Variants in SLC2A12 observed in about 807,000 individuals in gnomAD.
The protein encoded by SLC2A12 is solute carrier family 2 member 12.
Under a neutral mutation model 41.8 loss-of-function variants are expected in SLC2A12, and 23 were observed. That is an observed-to-expected ratio of 0.55 (90% CI 0.40 to 0.78). SLC2A12 has a LOEUF of 0.78. SLC2A12 is among the 30% of genes least tolerant of loss of function. The pLI, the probability that SLC2A12 is intolerant of heterozygous loss-of-function variation, is 0.00. For synonymous variants in SLC2A12, 295 were observed against 285.9 expected, an observed-to-expected ratio of 1.03 and a Z score of -0.32; for missense variants, 654 against 745.6, an observed-to-expected ratio of 0.88 and a Z score of 1.43.
intron 4 of SLC2A12, among the ~76,000 whole-genome samples, chr6:133,992,350 C>G (rs929664354): frequency 6.6e-6 from 1 of 152,040 alleles, no homozygotes; most frequent in African/African-American, 2.4e-5. Flanking sequence ...TCTCAGTGAA[C>G]TAAAAAGCAA....
intron 1 of SLC2A12, among the ~76,000 whole-genome samples, chr6:134,039,520 G>C (rs1777351749): frequency 6.6e-6 from 1 of 152,082 alleles, no homozygotes. Context: ...AAACATACTT[G>C]CCAATAACCA....
At chr6:134,015,709 CA>C (rs1374395949) in intron 2 of SLC2A12, among the ~76,000 whole-genome samples, 1 of 152,142 alleles carries the variant, frequency 6.6e-6, no homozygotes, top group Non-Finnish European at 1.5e-5. Context: ...TCTGCAATGT[CA>C]GCCTCTTTGC....
chr6:133,988,046 T>C lies in SLC2A12; in HGVS notation c.*3109A>G, dbSNP rs1447696526. 6.6e-6 allele frequency: 1 copy of C among 152,166 alleles called. No individual in the cohort carries two copies. The highest frequency in any genetic ancestry group is 1.5e-5 in the Non-Finnish European group (1 of 68,020). 9.4% of individuals were successfully genotyped at this position (152,166 alleles called of 1,614,324 possible). A position where few individuals can be genotyped will look rare whatever the true frequency, so the allele number is the denominator to read the frequency against. ...GATGCCCAAGCCTATACTAAGAGTC[T>C]TGTCAGAAGTTGGTAACATGGAGAT... On this transcript the variant is annotated 3_prime_UTR_variant, in exon 5 of 5. Coordinates refer to ENST00000275230, the MANE Select transcript of SLC2A12 (RefSeq NM_145176.3).
chr6:134,031,521 T>G (rs1333585412), intron 1 of SLC2A12, among the ~76,000 whole-genome samples: 1 of 152,082 alleles, frequency 6.6e-6, no homozygotes, highest in Non-Finnish European at 1.5e-5. Flanking sequence ...GGTGGGTGGG[T>G]GATTTTACAA....
intron 2 of SLC2A12, among the ~76,000 whole-genome samples, chr6:134,021,225 G>A (rs1777036347): frequency 6.6e-6 from 1 of 152,122 alleles, no homozygotes; most frequent in African/African-American, 2.4e-5. Flanking sequence ...CCACTAGCCA[G>A]ATCTTTACAC....
At chr6:134,027,467 G>C (rs1026010337) in intron 2 of SLC2A12, among the ~76,000 whole-genome samples, 3 of 152,142 alleles carry the variant, frequency 2.0e-5, no homozygotes, top group African/African-American at 7.2e-5. Context: ...GAGAGGGAGA[G>C]ACTTAGAAAG....
chr6:134,033,472 T>C (rs750050318), intron 1 of SLC2A12, among the ~76,000 whole-genome samples: 1 of 152,108 alleles, frequency 6.6e-6, no homozygotes, highest in Admixed American at 6.5e-5. Context: ...CTGCTTGTCA[T>C]TGTTCATTTT....
At chr6:134,042,965 T>TCAAAACAAAA (rs71803176) in intron 1 of SLC2A12, among the ~76,000 whole-genome samples, 11 of 149,630 alleles carry the variant, frequency 7.4e-5, no homozygotes, top group African/African-American at 2.2e-4. Flanking sequence ...ACACTCTGTC[T>TCAAAACAAAA]CAAAACAAAA....
intron 1 of SLC2A12, among the ~76,000 whole-genome samples, chr6:134,041,275 C>T (rs1777377722): frequency 6.6e-6 from 1 of 152,090 alleles, no homozygotes; most frequent in Non-Finnish European, 1.5e-5. Flanking sequence ...TCTTGCCTAT[C>T]CAGCCCAGAG....
At position 133,990,976 on chromosome 6, in the gene SLC2A12, T is replaced by C. The variant is rs904042417; in HGVS notation, c.*179A>G. On this transcript the variant is annotated 3_prime_UTR_variant, in exon 5 of 5. Coordinates refer to ENST00000275230, the MANE Select transcript of SLC2A12 (RefSeq NM_145176.3). ...TTAGGACCTTGTACCTCATCTACCT[T>C]TTGAGGTTCCTTCTGGGGAGGAGGG... 1 of 653,828 alleles carries C rather than the reference T, an allele frequency of 1.5e-6. No individual in the cohort carries two copies. Among genetic ancestry groups the C allele is most frequent in the Non-Finnish European group, 2.5e-6 (1 of 400,858 alleles). The allele number at this position is 653,828 out of a possible 1,614,324, so 40.5% of individuals were successfully genotyped here. A position where few individuals can be genotyped will look rare whatever the true frequency, so the allele number is the denominator to read the frequency against.
intron 2 of SLC2A12, among the ~76,000 whole-genome samples, chr6:134,026,698 G>T (rs1308919329): frequency 6.6e-6 from 1 of 152,186 alleles, no homozygotes; most frequent in Non-Finnish European, 1.5e-5. Context: ...TGGTGGTATT[G>T]TAATGTTTAC....
intron 2 of SLC2A12, among the ~76,000 whole-genome samples, chr6:134,019,656 C>T (rs1777015193): frequency 6.6e-6 from 1 of 152,116 alleles, no homozygotes; most frequent in Admixed American, 6.5e-5. Flanking sequence ...CTCTCTGGGG[C>T]CATGAACCTC....
chr6:134,046,968 A>G (rs1777463678), intron 1 of SLC2A12, among the ~76,000 whole-genome samples: 1 of 152,252 alleles, frequency 6.6e-6, no homozygotes, highest in African/African-American at 2.4e-5. Flanking sequence ...AAGGTAATAT[A>G]TTTGACTCAG....
chr6:134,049,941 A>G (rs561303339), intron 1 of SLC2A12, among the ~76,000 whole-genome samples: 1 of 152,314 alleles, frequency 6.6e-6, no homozygotes, highest in African/African-American at 2.4e-5. Context: ...CCATCTAGGA[A>G]TGTAGAAAAG....
chr6:134,032,414 ATATATATATATT>A (rs1777221332), intron 1 of SLC2A12, among the ~76,000 whole-genome samples: 1 of 35,128 alleles, frequency 2.8e-5, no homozygotes. Context: ...AAATATATAT[ATATATATATATT>A]TATATATATA....
At chr6:134,016,645 G>A (rs746936657) in intron 2 of SLC2A12, among the ~76,000 whole-genome samples, 2 of 152,188 alleles carry the variant, frequency 1.3e-5, no homozygotes, top group Non-Finnish European at 2.9e-5. Flanking sequence ...TCTGACCAAG[G>A]AGTCTTGTGT....
intron 4 of SLC2A12, among the ~76,000 whole-genome samples, chr6:133,995,980 C>T (rs929097324): frequency 3.3e-5 from 5 of 152,186 alleles, no homozygotes; most frequent in African/African-American, 1.2e-4. Context: ...CAGGTTTTAT[C>T]TTAAATGTTA....
rs1238292032 is a variant in SLC2A12 at position 134,028,739 on chromosome 6, G to C, written c.1086C>G (p.Gly362=). ...SVMAASLVTM[G]IVNLNIHMNF... ...TCATGTGGATGTTGAGATTTACGAT[G>C]CCCATGGTCACCAACGAAGCTGCCA... The change falls in exon 2 of 5, where the codon GGC becomes GGG. Residue 362 remains glycine (G), a synonymous_variant. Transcript: ENST00000275230. 2 of 1,614,060 alleles carry C rather than the reference G, an allele frequency of 1.2e-6. No individual in the cohort carries two copies. The highest frequency in any genetic ancestry group is 2.7e-5 in the African/African-American group (2 of 74,920).
intron 2 of SLC2A12, among the ~76,000 whole-genome samples, chr6:134,026,712 A>G (rs1332783361): frequency 3.3e-5 from 5 of 152,330 alleles, no homozygotes; most frequent in South Asian, 4.1e-4. Flanking sequence ...TGTTTACTCT[A>G]TCTGCCCAAG....
Sources: gnomAD v4.1 joint callset for allele counts (sites outside exome capture counted in the v4.1 genomes callset) on GRCh38, gnomAD v4.1.1 for gene constraint, MANE v1.5 for transcripts, NCBI Gene and HGNC (gene_info 2026-07-23, HGNC 2026-07-21) for gene names.